The following PDE10A variants were observed in gnomAD, a reference collection of about 807,000 sequenced individuals.
PDE10A encodes cAMP and cAMP-inhibited cGMP 3',5'-cyclic phosphodiesterase 10A.
Under a neutral mutation model 97.7 loss-of-function variants are expected in PDE10A, and 39 were observed. That is an observed-to-expected ratio of 0.40 (90% confidence interval 0.31 to 0.52). The LOEUF is 0.52. Among genes scored for constraint, PDE10A ranks in the 20% least tolerant of loss-of-function variants. The pLI is 0.56. For synonymous variants in PDE10A, 371 were observed against 376.8 expected (o/e 0.98, Z 0.18); for missense variants, 731 against 1,047.8 (o/e 0.70, Z 4.17).
intron 18 of PDE10A, among the ~76,000 whole-genome samples, chr6:165,355,436 C>T (rs1470698036): frequency 6.6e-6 from 1 of 152,294 alleles, no homozygotes; most frequent in East Asian, 1.9e-4. Flanking sequence ...TGTTGTAGAA[C>T]TGCATTACAA....
At chr6:165,692,714 G>A (rs1235809063) in intron 1 of PDE10A, among the ~76,000 whole-genome samples, 3 of 152,168 alleles carry the variant, frequency 2.0e-5, no homozygotes, top group Admixed American at 1.3e-4. Flanking sequence ...TTAGACAGCA[G>A]GTTTTATGTG....
At chr6:165,524,543 TGAAG>T (rs1352118042) in intron 2 of PDE10A, among the ~76,000 whole-genome samples, 11 of 152,108 alleles carry the variant, frequency 7.2e-5, no homozygotes, top group Non-Finnish European at 1.6e-4. Context: ...AGGAACATAA[TGAAG>T]TTGGTTGGTT....
chr6:165,963,432 G>T (rs1020605261), intron 1 of PDE10A, among the ~76,000 whole-genome samples: 1 of 152,196 alleles, frequency 6.6e-6, no homozygotes, highest in African/African-American at 2.4e-5. Flanking sequence ...AAAGTGGCGT[G>T]AAGGAAGTAG....
chr6:165,428,745 C>A, intron 9 of PDE10A, 36 bp from the exon 10 acceptor site: 2 of 816,008 alleles, frequency 2.5e-6, no homozygotes, highest in South Asian at 1.6e-5. Context: ...TAAGTAATTT[C>A]ATTAGTTCAC....
At chr6:165,693,857 C>T (rs538595031) in intron 1 of PDE10A, among the ~76,000 whole-genome samples, 1 of 152,290 alleles carries the variant, frequency 6.6e-6, no homozygotes, top group South Asian at 2.1e-4. Context: ...TGAAACAGTT[C>T]TCAGGCTTCA....
intron 1 of PDE10A, among the ~76,000 whole-genome samples, chr6:165,935,335 G>A (rs765038593): frequency 1.3e-5 from 2 of 152,196 alleles, no homozygotes; most frequent in Non-Finnish European, 2.9e-5. Flanking sequence ...GATAATCAAA[G>A]AACTGGAAGT....
In PDE10A at chr6:165,661,890, G is replaced by T; in HGVS notation, c.865+57C>A. On this transcript the variant is annotated intron_variant, in intron 1 of 21. Transcript: ENST00000539869. This position sits in a 1 kb window ranked among gnomAD's most constrained non-coding sequence, Gnocchi z 4.8. ...ACCCAGCAGTCCAAGCCCCCCACCTGCCCCCAGGGGATGAGGAGCCGCCCC... is the reference window on the plus strand; with the variant it reads ...ACCCAGCAGTCCAAGCCCCCCACCTTCCCCCAGGGGATGAGGAGCCGCCCC... 1 of 751,482 alleles carries T rather than the reference G, an allele frequency of 1.3e-6. No homozygotes were observed. Among genetic ancestry groups the T allele is most frequent in the Non-Finnish European group, 2.3e-6 (1 of 431,800 alleles). The allele number at this position is 751,482 out of a possible 1,614,324, so 46.6% of individuals were successfully genotyped here.
rs1459795617 is a variant in PDE10A at position 165,711,413 on chromosome 6, G to A, written c.-614-167845C>T. ...GTCCTAATGCTTGATTCAGAGCCAC[G>A]GAGACCAGAAATTCATGTTAGCTAG... On this transcript the variant is annotated intron_variant, in intron 1 of 19. Transcript: ENST00000366882. The surrounding 1 kb of genome is among the most constrained non-coding windows in gnomAD (Gnocchi z 4.5). Among the ~76,000 whole-genome samples the A allele has an allele frequency of 9.9e-5, 15 of 152,104 alleles. No individual in the cohort carries two copies. Among genetic ancestry groups the A allele is most frequent in the South Asian group, 2.1e-4 (1 of 4,820 alleles).
At chr6:165,746,075 C>T (rs1431439359) in intron 1 of PDE10A, among the ~76,000 whole-genome samples, 1 of 152,170 alleles carries the variant, frequency 6.6e-6, no homozygotes, top group African/African-American at 2.4e-5. Context: ...CATATGTGTG[C>T]ATTTTGTTGG....
intron 13 of PDE10A, among the ~76,000 whole-genome samples, chr6:165,412,221 T>C (rs1003242976): frequency 6.6e-6 from 1 of 152,102 alleles, no homozygotes; most frequent in South Asian, 2.1e-4. Context: ...GCATAAAATA[T>C]ATTCAACTTT....
intron 1 of PDE10A, among the ~76,000 whole-genome samples, chr6:165,623,023 G>A (rs961537270): frequency 6.6e-6 from 1 of 152,166 alleles, no homozygotes; most frequent in Admixed American, 6.5e-5. Context: ...TCTGCCATGA[G>A]TGTAAACTTC....
At chr6:165,362,452 C>CA (rs1333635312) in intron 18 of PDE10A, among the ~76,000 whole-genome samples, 1 of 152,004 alleles carries the variant, frequency 6.6e-6, no homozygotes, top group African/African-American at 2.4e-5. Context: ...ATAAAGTAGA[C>CA]AAGTTAGTTG....
At chr6:165,630,982 A>C (rs1325650207) in intron 1 of PDE10A, among the ~76,000 whole-genome samples, 2 of 152,224 alleles carry the variant, frequency 1.3e-5, no homozygotes, top group Non-Finnish European at 2.9e-5. Flanking sequence ...CAGTGTAGTG[A>C]ATTTTATTTT....
At chr6:165,832,581 G>A (rs1050993270) in intron 1 of PDE10A, among the ~76,000 whole-genome samples, 1 of 152,162 alleles carries the variant, frequency 6.6e-6, no homozygotes, top group Non-Finnish European at 1.5e-5. Flanking sequence ...ACCCAGCTTC[G>A]AGCTCCGCTG....
intron 10 of PDE10A, among the ~76,000 whole-genome samples, chr6:165,419,975 G>A (rs1237678686): frequency 6.6e-6 from 1 of 152,166 alleles, no homozygotes; most frequent in African/African-American, 2.4e-5. Context: ...TTACATGTTT[G>A]TACTCACTGC....
At chr6:165,536,264 A>G (rs1255566765) in intron 2 of PDE10A, among the ~76,000 whole-genome samples, 2 of 152,032 alleles carry the variant, frequency 1.3e-5, no homozygotes, top group Non-Finnish European at 2.9e-5. Context: ...ATTCATATGC[A>G]GAAGAATGAT....
chr6:165,862,477 G>A (rs575403381), intron 1 of PDE10A, among the ~76,000 whole-genome samples: 1 of 152,284 alleles, frequency 6.6e-6, no homozygotes, highest in South Asian at 2.1e-4. Context: ...ATGTACCAGT[G>A]CATGGCCACA....
chr6:165,507,974 A>G (rs1781296753), intron 2 of PDE10A, among the ~76,000 whole-genome samples: 1 of 152,154 alleles, frequency 6.6e-6, no homozygotes, highest in Non-Finnish European at 1.5e-5. Context: ...TTATGTAGAT[A>G]TATTTCAAGG....
chr6:165,417,490 C>T (rs1273707450), intron 11 of PDE10A, among the ~76,000 whole-genome samples: 4 of 152,108 alleles, frequency 2.6e-5, no homozygotes, highest in Admixed American at 6.5e-5. Flanking sequence ...GTTTTTCTTA[C>T]GCTTATAAAC....
Sources: gnomAD v4.1 joint callset for allele counts (sites outside exome capture counted in the v4.1 genomes callset) on GRCh38, gnomAD v4.1.1 for gene constraint, Gnocchi (gnomAD v3.1) non-coding constraint, MANE v1.5 for transcripts, NCBI Gene and HGNC (gene_info 2026-07-23, HGNC 2026-07-21) for gene names.